The following SLC12A8 variants were observed in gnomAD, a reference collection of about 807,000 sequenced individuals.
SLC12A8 encodes cation-chloride cotransporter 9.
A neutral mutation model predicts 75.6 loss-of-function variants in SLC12A8; 69 were observed. The observed-to-expected ratio is 0.91, with a 90% CI of 0.75 to 1.11. SLC12A8 has a LOEUF of 1.11. Among genes scored for constraint, SLC12A8 ranks in the 50% most tolerant of loss-of-function variants. The probability of loss-of-function intolerance (pLI) is 0.00; values close to 1 mark genes in which losing one functional copy is unlikely to be tolerated. For missense variants in SLC12A8, 877 were observed against 896.7 expected (o/e 0.98, Z 0.28); for synonymous variants, 365 against 372.8 (o/e 0.98, Z 0.24).
At chr3:125,154,144 G>C (rs1463471794) in intron 5 of SLC12A8, among the ~76,000 whole-genome samples, 1 of 152,232 alleles carries the variant, frequency 6.6e-6, no homozygotes, top group Admixed American at 6.5e-5. Context: ...GTGGTAGAGA[G>C]AATGCTGGCT....
chr3:125,188,121 G>A (rs539832386), intron 3 of SLC12A8, among the ~76,000 whole-genome samples: 4 of 152,264 alleles, frequency 2.6e-5, no homozygotes, highest in South Asian at 4.1e-4. Flanking sequence ...TGGACCCCTC[G>A]TGAATGGCTT....
chr3:125,122,666 G>C (rs1298070391), intron 6 of SLC12A8, among the ~76,000 whole-genome samples: 1 of 152,184 alleles, frequency 6.6e-6, no homozygotes, highest in Non-Finnish European at 1.5e-5. Context: ...CCCTGCTCAA[G>C]AATCAACAGC....
rs117649495 is a variant in SLC12A8 at position 125,126,691 on chromosome 3, T to C, written c.737-6005A>G. On this transcript the variant is annotated intron_variant, in intron 6 of 13. Coordinates refer to ENST00000469902, the MANE Select transcript of SLC12A8 (RefSeq NM_024628.6). ...TGTTAGTTCATAAAGGACTACTTAC[T>C]CTTTCTCAAGGAACTTCCAAGATTC... Among the ~76,000 whole-genome samples the C allele has an allele frequency of 9.8e-3, 1,494 of 152,352 alleles. 69 individuals carry two copies. In the East Asian group the frequency reaches 0.14, roughly 14 times the overall value.
chr3:125,172,824 G>A (rs1231175052), intron 5 of SLC12A8, among the ~76,000 whole-genome samples: 7 of 152,160 alleles, frequency 4.6e-5, no homozygotes, highest in Non-Finnish European at 1.0e-4. Flanking sequence ...TATATTTAAA[G>A]AAATGGGAAG....
intron 10 of SLC12A8, among the ~76,000 whole-genome samples, chr3:125,106,789 G>A (rs1380587593): frequency 6.6e-6 from 1 of 152,174 alleles, no homozygotes. Flanking sequence ...ACAATGCAGG[G>A]TGATGTCCAG....
At chr3:125,107,410 T>A in intron 10 of SLC12A8, 71 bp downstream of exon 10, 1 of 1,401,142 alleles carries the variant, frequency 7.1e-7, no homozygotes, top group South Asian at 1.4e-5. Flanking sequence ...TGGTTCACAA[T>A]AACTGGGTAG....
At chr3:125,146,922 G>A (rs1395315863) in intron 5 of SLC12A8, among the ~76,000 whole-genome samples, 2 of 152,250 alleles carry the variant, frequency 1.3e-5, no homozygotes, top group African/African-American at 4.8e-5. Context: ...TGCCCAGCAA[G>A]CCATCTGACC....
At chr3:125,127,515 T>C (rs1933238147) in intron 6 of SLC12A8, among the ~76,000 whole-genome samples, 1 of 152,196 alleles carries the variant, frequency 6.6e-6, no homozygotes, top group African/African-American at 2.4e-5. Context: ...TAATAGAACC[T>C]GTGGGAGGAT....
chr3:125,114,009 C>A (rs1473740635), intron 8 of SLC12A8, among the ~76,000 whole-genome samples: 1 of 152,176 alleles, frequency 6.6e-6, no homozygotes, highest in Non-Finnish European at 1.5e-5. Flanking sequence ...AAAACCTTTA[C>A]AATCCCAAGT....
rs534640430 is a variant in SLC12A8 at position 125,155,393 on chromosome 3, G to A, written c.623-19611C>T. Among the ~76,000 whole-genome samples the A allele has an allele frequency of 9.9e-5, 15 of 152,190 alleles. No individual in the cohort carries two copies. The South Asian group carries it at 2.5e-3, about 25-fold the overall frequency. ...GTATTAATTTCGGCGAGGCTGTTTG[G>A]TAAAGAATGTCTGATAAGGACACTG... On this transcript the variant is annotated intron_variant, in intron 5 of 13. Transcript: ENST00000469902.
chr3:125,087,381 C>T (rs1938486703), intron 13 of SLC12A8, among the ~76,000 whole-genome samples: 1 of 152,124 alleles, frequency 6.6e-6, no homozygotes, highest in Non-Finnish European at 1.5e-5. Flanking sequence ...GCGTAAGCCA[C>T]CACGCCCAGC....
In SLC12A8 at chr3:125,135,775, A is replaced by G. The variant is rs1189948039; in HGVS notation, c.630T>C (p.Gly210=). The change falls in exon 6 of 14, where the codon GGT becomes GGC. Residue 210 remains glycine (G), a synonymous_variant. Transcript: ENST00000469902. ...GSFTHLDPEH[G]FIGYSPELLQ... ...GCAGTTCGGGTGAATATCCAATGAAACCATGTTCTGAAATAAAGCAATGGA... is the reference window on the plus strand; with the variant it reads ...GCAGTTCGGGTGAATATCCAATGAAGCCATGTTCTGAAATAAAGCAATGGA... 6.3e-7 allele frequency: 1 copy of G among 1,598,894 alleles called. No individual in the cohort carries two copies. The highest frequency in any genetic ancestry group is 1.7e-5 in the Admixed American group (1 of 57,936).
At chr3:125,179,965 C>A (rs1223838395) in intron 4 of SLC12A8, among the ~76,000 whole-genome samples, 1 of 152,112 alleles carries the variant, frequency 6.6e-6, no homozygotes, top group Non-Finnish European at 1.5e-5. Context: ...TTCCCAGGTA[C>A]CTGATGTCTC....
At position 125,145,078 on chromosome 3, in the gene SLC12A8, C is replaced by A. The variant is rs1338601888; in HGVS notation, c.623-9296G>T. On this transcript the variant is annotated intron_variant, in intron 5 of 13. Transcript: ENST00000469902. ...TCATAGAACTGTAGAAAGTTAGCAT[C>A]ACAGCAGTCTTTAGCCTCAAATCCA... 3.9e-5 allele frequency among the ~76,000 whole-genome samples: 6 copies of A among 152,324 alleles called. No homozygotes were observed. In the East Asian group the frequency reaches 1.2e-3, roughly 29 times the overall value.
chr3:125,152,705 T>A (rs1203728912), intron 5 of SLC12A8, among the ~76,000 whole-genome samples: 3 of 152,150 alleles, frequency 2.0e-5, no homozygotes, highest in African/African-American at 7.2e-5. Flanking sequence ...TAAAAAACAC[T>A]CTTCCAGGAG....
intron 5 of SLC12A8, among the ~76,000 whole-genome samples, chr3:125,136,063 C>T (rs1933487148): frequency 6.6e-6 from 1 of 152,158 alleles, no homozygotes; most frequent in South Asian, 2.1e-4. Context: ...GCTTCATAGA[C>T]TTTAATATAG....
chr3:125,160,101 T>C (rs1934135875), intron 5 of SLC12A8, among the ~76,000 whole-genome samples: 1 of 152,114 alleles, frequency 6.6e-6, no homozygotes, highest in South Asian at 2.1e-4. Flanking sequence ...CACCACCATG[T>C]CCAGCTAATT....
intron 5 of SLC12A8, among the ~76,000 whole-genome samples, chr3:125,161,680 C>CA (rs36098782): frequency 0.28 from 39,639 of 143,182 alleles, 5,880 homozygotes; most frequent in African/African-American, 0.41. Context: ...GTACTTTTCT[C>CA]AAAAAAAAAA....
At chr3:125,116,598 C>G (rs1042414250) in intron 8 of SLC12A8, among the ~76,000 whole-genome samples, 1 of 152,168 alleles carries the variant, frequency 6.6e-6, no homozygotes, top group Non-Finnish European at 1.5e-5. Flanking sequence ...TGTGGCCTTC[C>G]TTAGATACAA....
Sources: allele counts gnomAD v4.1 joint callset (sites outside exome capture counted in the v4.1 genomes callset), GRCh38; gene constraint gnomAD v4.1.1; transcripts MANE v1.5; gene names NCBI Gene and HGNC (gene_info 2026-07-23, HGNC 2026-07-21).